The following CAMTA1 variants were observed in gnomAD, a reference collection of about 807,000 sequenced individuals.
The protein encoded by CAMTA1 is calmodulin binding transcription activator 1.
CAMTA1 carries 27 observed loss-of-function variants against 170.9 expected under a neutral mutation model. The observed-to-expected ratio is 0.16, with a 90% CI of 0.12 to 0.22. The LOEUF is 0.22. Among genes scored for constraint, CAMTA1 ranks in the 10% least tolerant of loss-of-function variants. The pLI, the probability that CAMTA1 is intolerant of heterozygous loss-of-function variation, is 1.00. For synonymous variants in CAMTA1, 833 were observed against 891.5 expected (o/e 0.93, Z 1.17); for missense variants, 1,619 against 2,217.2 (o/e 0.73, Z 5.42).
intron 6 of CAMTA1, among the ~76,000 whole-genome samples, chr1:7,614,654 A>G (rs1349544422): frequency 1.3e-5 from 2 of 152,126 alleles, no homozygotes; most frequent in African/African-American, 4.8e-5. Context: ...TGTTATCAAC[A>G]GTAACAAATT....
rs374927229 is a variant in CAMTA1, at chr1:7,327,952, G to GT, written c.438+78335dup. On this transcript the variant is annotated intron_variant, in intron 5 of 22. Transcript: ENST00000303635. ...TTCAGGTTGACAGTTCTGTTTGTTT[G>GT]TTTTTTTTTCCCTCCCAGCACTTGA... Among the ~76,000 whole-genome samples, 179 of 150,246 alleles carry GT rather than the reference G, an allele frequency of 1.2e-3. 1 individual carries two copies. Among genetic ancestry groups the GT allele is most frequent in the Admixed American group, 3.3e-3 (50 of 15,118 alleles).
intron 6 of CAMTA1, among the ~76,000 whole-genome samples, chr1:7,504,948 C>T (rs1320948196): frequency 1.3e-5 from 2 of 150,390 alleles, no homozygotes; most frequent in African/African-American, 2.5e-5. Flanking sequence ...GGCACAAGCA[C>T]ACAGATGCCT....
intron 1 of CAMTA1, among the ~76,000 whole-genome samples, chr1:6,799,462 A>G (rs879832966): frequency 7.9e-5 from 12 of 152,226 alleles, no homozygotes; most frequent in Non-Finnish European, 1.6e-4. Flanking sequence ...ACTTAGGTGG[A>G]CCAGGAGCTA....
At chr1:7,303,487 AT>A (rs1259632974) in intron 5 of CAMTA1, among the ~76,000 whole-genome samples, 1 of 152,204 alleles carries the variant, frequency 6.6e-6, no homozygotes, top group African/African-American at 2.4e-5. Flanking sequence ...AGTGGACATA[AT>A]TTATGTCATA....
intron 3 of CAMTA1, among the ~76,000 whole-genome samples, chr1:7,084,432 T>G (rs1465016511): frequency 6.6e-6 from 1 of 152,112 alleles, no homozygotes; most frequent in Non-Finnish European, 1.5e-5. Context: ...AGTGCATAGC[T>G]CCTTCTGGGG....
At chr1:7,497,522 C>G (rs574262978) in intron 6 of CAMTA1, among the ~76,000 whole-genome samples, 1 of 152,362 alleles carries the variant, frequency 6.6e-6, no homozygotes, top group South Asian at 2.1e-4. Flanking sequence ...CACGGTGCCA[C>G]AACCACAAAT....
chr1:7,431,440 A>G (rs1052955599), intron 5 of CAMTA1, among the ~76,000 whole-genome samples: 2 of 152,292 alleles, frequency 1.3e-5, no homozygotes, highest in African/African-American at 4.8e-5. Flanking sequence ...ACCCGGGAGT[A>G]CAGGTCCTAC....
intron 4 of CAMTA1, among the ~76,000 whole-genome samples, chr1:7,129,379 T>C (rs898015442): frequency 6.6e-6 from 1 of 152,156 alleles, no homozygotes; most frequent in Non-Finnish European, 1.5e-5. Flanking sequence ...GCCAGGTTGC[T>C]GTCTCTCTCT....
intron 6 of CAMTA1, among the ~76,000 whole-genome samples, chr1:7,558,948 C>T (rs569279862): frequency 1.3e-5 from 2 of 152,296 alleles, no homozygotes; most frequent in South Asian, 4.1e-4. Flanking sequence ...TCACAAGTTA[C>T]CCTTAAAGGG....
chr1:7,303,699 G>T (rs1384508049), intron 5 of CAMTA1, among the ~76,000 whole-genome samples: 1 of 152,192 alleles, frequency 6.6e-6, no homozygotes, highest in Non-Finnish European at 1.5e-5. Context: ...ACTAGAATAT[G>T]TAGCATGCCA....
chr1:7,200,779 A>C (rs756086143), intron 4 of CAMTA1, among the ~76,000 whole-genome samples: 2 of 152,176 alleles, frequency 1.3e-5, no homozygotes, highest in South Asian at 4.1e-4. Context: ...AGGTTTCTCT[A>C]CTGGAAAGTA....
At chr1:7,189,665 A>G (rs1490203831) in intron 4 of CAMTA1, among the ~76,000 whole-genome samples, 1 of 152,232 alleles carries the variant, frequency 6.6e-6, no homozygotes, top group Non-Finnish European at 1.5e-5. Context: ...TGAAAACGGA[A>G]CACATCTGCA....
chr1:7,172,502 G>A (rs980535338), intron 4 of CAMTA1, among the ~76,000 whole-genome samples: 2 of 148,882 alleles, frequency 1.3e-5, no homozygotes, highest in Non-Finnish European at 2.9e-5. Context: ...GGTATGCGGA[G>A]CATGAACAAC....
Position 7,221,261 on chromosome 1 carries a change from C to T in CAMTA1, c.303-28230C>T, listed in dbSNP as rs973289601. The stretch of plus-strand genomic sequence containing the variant: ...TTAATCTTTAGACAGAACTCTCATT[C>T]ACAGCATTTAGTTACTTGTTCATTC... On this transcript the variant is annotated intron_variant, in intron 4 of 22. Coordinates refer to ENST00000303635, the MANE Select transcript of CAMTA1 (RefSeq NM_015215.4). Among the ~76,000 whole-genome samples, 16 of 151,562 alleles carry T rather than the reference C, an allele frequency of 1.1e-4. No homozygotes were observed. The East Asian group carries it at 2.7e-3, about 26-fold the overall frequency.
chr1:7,467,641 C>T (rs572066427), intron 5 of CAMTA1, among the ~76,000 whole-genome samples, 189 bp from the exon 6 acceptor site: 45 of 152,268 alleles, frequency 3.0e-4, no homozygotes, highest in African/African-American at 9.6e-4. Flanking sequence ...TGTGTCCCCA[C>T]GGGGCTTCGT....
At chr1:7,241,393 G>C (rs1012015652) in intron 4 of CAMTA1, among the ~76,000 whole-genome samples, 2 of 152,178 alleles carry the variant, frequency 1.3e-5, no homozygotes, top group African/African-American at 4.8e-5. Context: ...TCTAGATTCA[G>C]TACAACTCCA....
chr1:7,138,795 G>A (rs1645695273), intron 4 of CAMTA1, among the ~76,000 whole-genome samples: 1 of 152,034 alleles, frequency 6.6e-6, no homozygotes, highest in South Asian at 2.1e-4. Context: ...AGGAGTTTGA[G>A]ACCAGTCTGG....
rs557675518 is a variant in CAMTA1, at chr1:7,112,174, G to A, written c.302+20803G>A. Among the ~76,000 whole-genome samples the A allele has an allele frequency of 9.2e-5, 14 of 152,294 alleles. No homozygotes were observed. In the East Asian group the frequency reaches 1.9e-3, roughly 21 times the overall value. On this transcript the variant is annotated intron_variant, in intron 4 of 22. Transcript: ENST00000303635. ...CGTGCATTTGTTGCAGGACCGCTGC[G>A]TAGAGCTGCTGGCTGCTGGGCTGTC... is the stretch of plus-strand genomic sequence containing the variant.
intron 1 of CAMTA1, among the ~76,000 whole-genome samples, chr1:6,796,097 C>CTA (rs1398217001): frequency 7.1e-6 from 1 of 140,858 alleles, no homozygotes; most frequent in East Asian, 2.0e-4. Context: ...GTTGAGAGTG[C>CTA]TATGCTATGG....
Sources: gnomAD v4.1 joint callset for allele counts (sites outside exome capture counted in the v4.1 genomes callset) on GRCh38, gnomAD v4.1.1 for gene constraint, MANE v1.5 for transcripts, NCBI Gene and HGNC (gene_info 2026-07-23, HGNC 2026-07-21) for gene names.